The following XKR4 variants were observed in gnomAD, a reference collection of about 807,000 sequenced individuals.
XKR4 encodes XK related 4.
XKR4 carries 12 observed loss-of-function variants against 53.9 expected under a neutral mutation model. The observed-to-expected ratio is 0.22, with a 90% CI of 0.14 to 0.36. The LOEUF (loss-of-function observed/expected upper bound fraction) is 0.36, where lower values mean the gene tolerates loss of function less well. Ranked by LOEUF, XKR4 falls within the 10% of genes least tolerant of loss-of-function variation. XKR4 has a pLI of 1.00. For synonymous variants in XKR4, 354 were observed against 362.4 expected (o/e 0.98, Z 0.26); for missense variants, 799 against 859.5 (o/e 0.93, Z 0.88).
chr8:55,449,537 CG>C (rs1805395997), intron 2 of XKR4: 2 of 1,477,284 alleles, frequency 1.4e-6, no homozygotes, highest in East Asian at 4.6e-5. Context: ...GCTCTGGATC[CG>C]GTCCACCCAC....
intron 1 of XKR4, among the ~76,000 whole-genome samples, chr8:55,255,782 A>G (rs546699190): frequency 3.3e-5 from 5 of 152,250 alleles, no homozygotes; most frequent in African/African-American, 7.2e-5. Flanking sequence ...CATAAATTAC[A>G]TGAGCTGTGA....
chr8:55,457,077 T>C (rs1429977281), intron 2 of XKR4, among the ~76,000 whole-genome samples: 1 of 151,278 alleles, frequency 6.6e-6, no homozygotes, highest in Non-Finnish European at 1.5e-5. Context: ...AGCTGACTTA[T>C]CATTATAAAC....
chr8:55,495,137 C>T (rs1585605408), intron 2 of XKR4, among the ~76,000 whole-genome samples: 1 of 152,184 alleles, frequency 6.6e-6, no homozygotes, highest in Non-Finnish European at 1.5e-5. Context: ...CTGCCTCGAG[C>T]ATGTGCACAC....
intron 1 of XKR4, among the ~76,000 whole-genome samples, chr8:55,355,277 A>C (rs1189046938): frequency 6.6e-6 from 1 of 152,182 alleles, no homozygotes; most frequent in Non-Finnish European, 1.5e-5. Context: ...CACTATACAC[A>C]CACCACAGTG....
In XKR4 at chr8:55,217,110, C is replaced by T. The variant is rs190019308; in HGVS notation, c.806+113816C>T. On this transcript the variant is annotated intron_variant, in intron 1 of 2. Transcript: ENST00000327381. ...ACAAAAACTTAGCCGGGCGTGGTGGCGGGCACCTGTAGTCCCAGCTACTCG... is the reference window on the plus strand; with the variant it reads ...ACAAAAACTTAGCCGGGCGTGGTGGTGGGCACCTGTAGTCCCAGCTACTCG... Among the ~76,000 whole-genome samples the T allele has an allele frequency of 4.2e-3, 635 of 151,794 alleles. 6 individuals are homozygous for T. The highest frequency in any genetic ancestry group is 0.014 in the African/African-American group (571 of 41,362).
intron 1 of XKR4, among the ~76,000 whole-genome samples, chr8:55,215,163 T>TA (rs772122302): frequency 6.6e-5 from 10 of 152,136 alleles, no homozygotes; most frequent in Non-Finnish European, 1.5e-4. Context: ...TCACATGTGA[T>TA]AGATCATAAC....
At chr8:55,521,435 A>G (rs1448230072) in intron 2 of XKR4, among the ~76,000 whole-genome samples, 1 of 152,014 alleles carries the variant, frequency 6.6e-6, no homozygotes, top group East Asian at 1.9e-4. Flanking sequence ...TTTATAATTG[A>G]TGTCGATGTT....
chr8:55,482,143 A>G (rs1195239477), intron 2 of XKR4, among the ~76,000 whole-genome samples: 1 of 152,144 alleles, frequency 6.6e-6, no homozygotes, highest in Non-Finnish European at 1.5e-5. Flanking sequence ...CTTGGAACCA[A>G]CCCAAATGTC....
At chr8:55,216,952 G>A (rs1241238632) in intron 1 of XKR4, among the ~76,000 whole-genome samples, 1 of 152,060 alleles carries the variant, frequency 6.6e-6, no homozygotes, top group African/African-American at 2.4e-5. Flanking sequence ...AAAAGACATG[G>A]ATAGTCCTTG....
intron 2 of XKR4, among the ~76,000 whole-genome samples, chr8:55,368,830 G>A (rs1365735028): frequency 1.3e-5 from 2 of 152,142 alleles, no homozygotes; most frequent in Non-Finnish European, 2.9e-5. Flanking sequence ...TTTTCAGTTG[G>A]ACTAGCCAAT....
At chr8:55,178,238 A>G (rs956736201) in intron 1 of XKR4, among the ~76,000 whole-genome samples, 1 of 152,160 alleles carries the variant, frequency 6.6e-6, no homozygotes, top group Non-Finnish European at 1.5e-5. Flanking sequence ...ATATAGTTTA[A>G]TCCTCTCATT....
intron 2 of XKR4, among the ~76,000 whole-genome samples, chr8:55,444,813 A>G (rs748344979): frequency 1.2e-4 from 19 of 152,220 alleles, no homozygotes; most frequent in Non-Finnish European, 2.2e-4. Context: ...CAGCCCCAAA[A>G]CTCAGCAATT....
chr8:55,309,311 AG>A (rs746884751), intron 1 of XKR4, among the ~76,000 whole-genome samples: 1 of 152,240 alleles, frequency 6.6e-6, no homozygotes. Context: ...CAGCCCTGAA[AG>A]ATTACATACT....
At chr8:55,272,152 A>G (rs4236972) in intron 1 of XKR4, among the ~76,000 whole-genome samples, 120,462 of 152,130 alleles carry the variant, frequency 0.79, 49,696 homozygotes, top group Non-Finnish European at 0.92. Context: ...AGAATAAGAA[A>G]TGATTCTATG....
At chr8:55,320,778 C>T (rs1803197448) in intron 1 of XKR4, among the ~76,000 whole-genome samples, 1 of 152,078 alleles carries the variant, frequency 6.6e-6, no homozygotes, top group East Asian at 1.9e-4. Flanking sequence ...AAGTCAGACT[C>T]GGTTCCTTCA....
chr8:55,367,891 C>T (rs903740846), intron 2 of XKR4, among the ~76,000 whole-genome samples: 1 of 152,134 alleles, frequency 6.6e-6, no homozygotes, highest in South Asian at 2.1e-4. Context: ...ACTGGTACCC[C>T]CCTTCACCTT....
chr8:55,541,549 C>T lies in XKR4; in HGVS notation c.*17322C>T, dbSNP rs1320937263. 6.6e-6 allele frequency: 1 copy of T among 152,136 alleles called. No homozygotes were observed. The highest frequency in any genetic ancestry group is 1.5e-5 in the Non-Finnish European group (1 of 68,054). The allele number at this position is 152,136 out of a possible 1,614,324, so 9.4% of individuals were successfully genotyped here. ...GCAAAAATGCCATTCCTGTGCTTCC[C>T]CCTCCATTACAGAATAAGGTCCGAG... is the stretch of plus-strand genomic sequence containing the variant. On this transcript the variant is annotated 3_prime_UTR_variant, in exon 3 of 3. Coordinates refer to ENST00000327381, the MANE Select transcript of XKR4 (RefSeq NM_052898.2).
intron 2 of XKR4, among the ~76,000 whole-genome samples, chr8:55,475,643 A>G (rs1767105784): frequency 6.6e-6 from 1 of 151,500 alleles, no homozygotes; most frequent in Non-Finnish European, 1.5e-5. Flanking sequence ...TCACTCTGTT[A>G]TCTAGGCTGG....
intron 1 of XKR4, among the ~76,000 whole-genome samples, chr8:55,173,361 A>C: frequency 6.6e-6 from 1 of 150,666 alleles, no homozygotes; most frequent in African/African-American, 2.4e-5. Flanking sequence ...CTTTCCAAAT[A>C]CTCCCCTTCC....
Sources: gnomAD v4.1 joint callset for allele counts (sites outside exome capture counted in the v4.1 genomes callset) on GRCh38, gnomAD v4.1.1 for gene constraint, MANE v1.5 for transcripts, NCBI Gene and HGNC (gene_info 2026-07-23, HGNC 2026-07-21) for gene names.